The following WWOX variants were observed in gnomAD, a reference collection of about 807,000 sequenced individuals.
WWOX encodes WW domain-containing oxidoreductase.
In WWOX, 69 loss-of-function variants were observed where a neutral mutation model predicts 46.2. The observed-to-expected ratio is 1.49, with a 90% CI of 1.23 to 1.82. The LOEUF (loss-of-function observed/expected upper bound fraction) is 1.82. WWOX is among the 40% of genes most tolerant of loss of function. WWOX has a pLI of 0.00. For synonymous variants in WWOX, 359 were observed against 202.6 expected (o/e 1.77, Z -6.56); for missense variants, 919 against 542.6 (o/e 1.69, Z -6.89).
intron 5 of WWOX, among the ~76,000 whole-genome samples, chr16:78,343,878 A>G (rs13334118): frequency 0.23 from 26,817 of 118,902 alleles, 8,566 homozygotes; most frequent in African/African-American, 0.37. Context: ...CTGAGAAATG[A>G]TGATGGTGAC....
intron 8 of WWOX, among the ~76,000 whole-genome samples, chr16:78,893,602 T>C (rs1008135395): frequency 6.6e-6 from 1 of 152,192 alleles, no homozygotes; most frequent in African/African-American, 2.4e-5. Context: ...AATTTTTGCT[T>C]AAATGTTGCA....
chr16:78,227,273 T>C (rs2037093797), intron 5 of WWOX, among the ~76,000 whole-genome samples: 1 of 152,224 alleles, frequency 6.6e-6, no homozygotes, highest in African/African-American at 2.4e-5. Context: ...AGAATGACTT[T>C]TCACATAAAT....
intron 8 of WWOX, among the ~76,000 whole-genome samples, chr16:78,627,504 C>G (rs1338521571): frequency 6.6e-6 from 1 of 152,130 alleles, no homozygotes; most frequent in Non-Finnish European, 1.5e-5. Context: ...TGAATAATGG[C>G]CCAGGATGCC....
At chr16:78,785,286 C>T (rs959606447) in intron 8 of WWOX, among the ~76,000 whole-genome samples, 3 of 152,190 alleles carry the variant, frequency 2.0e-5, no homozygotes, top group Non-Finnish European at 4.4e-5. Flanking sequence ...CCTTTGGCTG[C>T]AGAAATTCTC....
At chr16:78,528,259 C>A (rs1208884954) in intron 8 of WWOX, among the ~76,000 whole-genome samples, 1 of 147,882 alleles carries the variant, frequency 6.8e-6, no homozygotes, top group African/African-American at 2.5e-5. Flanking sequence ...CGTAATCCGC[C>A]CACCTCGGCC....
intron 5 of WWOX, among the ~76,000 whole-genome samples, chr16:78,290,568 A>G (rs2079844103): frequency 6.6e-6 from 1 of 152,196 alleles, no homozygotes; most frequent in African/African-American, 2.4e-5. Flanking sequence ...TGGTCAGTCT[A>G]AAAAGCTCCT....
chr16:78,185,326 C>A (rs781131139), intron 5 of WWOX, among the ~76,000 whole-genome samples: 13 of 152,160 alleles, frequency 8.5e-5, no homozygotes, highest in Non-Finnish European at 1.8e-4. Context: ...GCGTCAAAGA[C>A]CCTCCCGCCT....
chr16:78,316,889 G>C (rs1012338679), intron 5 of WWOX, among the ~76,000 whole-genome samples: 10 of 152,178 alleles, frequency 6.6e-5, no homozygotes, highest in Admixed American at 5.2e-4. Context: ...CCTCCTTGCT[G>C]AAACTACCAT....
intron 8 of WWOX, among the ~76,000 whole-genome samples, chr16:78,815,047 G>A (rs530049263): frequency 3.3e-5 from 5 of 152,170 alleles, no homozygotes; most frequent in Non-Finnish European, 5.9e-5. Context: ...CGTCCAGGCC[G>A]GGCACAGTGG....
At chr16:78,138,235 A>C (rs879374117) in intron 4 of WWOX, among the ~76,000 whole-genome samples, 4 of 150,822 alleles carry the variant, frequency 2.7e-5, no homozygotes, top group African/African-American at 7.3e-5. Flanking sequence ...TCTGCTGTTT[A>C]ATTATTGTGT....
intron 6 of WWOX, among the ~76,000 whole-genome samples, chr16:78,418,297 G>C (rs907560324): frequency 6.6e-6 from 1 of 151,936 alleles, no homozygotes; most frequent in Non-Finnish European, 1.5e-5. Context: ...CCGGGAGGTG[G>C]AGCTTGCAGT....
intron 8 of WWOX, among the ~76,000 whole-genome samples, chr16:78,920,423 A>T (rs2045352090): frequency 2.0e-5 from 3 of 152,078 alleles, no homozygotes; most frequent in African/African-American, 7.2e-5. Flanking sequence ...CCCAAGTCCT[A>T]AGGTCCCAGC....
intron 6 of WWOX, among the ~76,000 whole-genome samples, chr16:78,423,357 T>C (rs141216240): frequency 9.6e-4 from 146 of 152,336 alleles, no homozygotes; most frequent in African/African-American, 3.3e-3. Flanking sequence ...TTCTATCATA[T>C]GGATATATTC....
chr16:78,321,235 T>C (rs2080460204), intron 5 of WWOX, among the ~76,000 whole-genome samples: 1 of 150,900 alleles, frequency 6.6e-6, no homozygotes, highest in Non-Finnish European at 1.5e-5. Flanking sequence ...TGCTCCACAA[T>C]TCTCTTTTGT....
rs528010058 is a variant in WWOX at position 78,981,106 on chromosome 16, C to A, written c.1057-230502C>A. ...CATTCGAGTTCTTCCTGTGGAGTCC[C>A]ATGCCTTGGTGTTGAACCAGTGTCC... On this transcript the variant is annotated intron_variant, in intron 8 of 8. Transcript: ENST00000566780. Among the ~76,000 whole-genome samples, 39 of 152,296 alleles carry A rather than the reference C, an allele frequency of 2.6e-4. No homozygotes were observed. The South Asian group carries it at 7.9e-3, about 31-fold the overall frequency.
At chr16:78,392,720 G>A (rs1048477032) in intron 6 of WWOX, among the ~76,000 whole-genome samples, 62 of 152,238 alleles carry the variant, frequency 4.1e-4, no homozygotes, top group African/African-American at 1.5e-3. Context: ...TCAACTTCGT[G>A]TTTAATGTTT....
intron 8 of WWOX, among the ~76,000 whole-genome samples, chr16:78,458,205 A>C (rs2083869224): frequency 5.3e-5 from 8 of 149,998 alleles, no homozygotes; most frequent in Admixed American, 3.3e-4. Flanking sequence ...GTTTTATTAT[A>C]TATTCTGCCC....
chr16:78,750,321 C>T (rs559882630), intron 8 of WWOX, among the ~76,000 whole-genome samples: 8 of 152,180 alleles, frequency 5.3e-5, no homozygotes, highest in Admixed American at 3.9e-4. Context: ...AGCTGTCTTG[C>T]CCCTCCTGTG....
chr16:79,178,013 G>A (rs2050835577), intron 8 of WWOX, among the ~76,000 whole-genome samples: 2 of 152,282 alleles, frequency 1.3e-5, no homozygotes, highest in South Asian at 4.1e-4. Flanking sequence ...TGTCAACTTA[G>A]TGGGAGGGGA....
Sources: allele counts gnomAD v4.1 joint callset (sites outside exome capture counted in the v4.1 genomes callset), GRCh38; gene constraint gnomAD v4.1.1; transcripts MANE v1.5; gene names NCBI Gene and HGNC (gene_info 2026-07-23, HGNC 2026-07-21).